The following CSNK2A2IP variants were observed in gnomAD, a reference collection of about 807,000 sequenced individuals.
The protein encoded by CSNK2A2IP is casein kinase 2 subunit alpha' interacting protein.
chr3:88,425,283 T>C, the CSNK2A2IP span, among the ~76,000 whole-genome samples: 1 of 152,128 alleles, frequency 6.6e-6, no homozygotes, highest in African/African-American at 2.4e-5. Flanking sequence ...TAGCTCTCTG[T>C]GACATTTAGT....
chr3:88,444,041 T>G, the CSNK2A2IP span, among the ~76,000 whole-genome samples: 22 of 151,790 alleles, frequency 1.4e-4, no homozygotes, highest in Non-Finnish European at 2.7e-4. Context: ...ACAGATAATA[T>G]TTTTAAAAGA....
chr3:88,362,521 C>A, the CSNK2A2IP span, among the ~76,000 whole-genome samples: 1 of 152,172 alleles, frequency 6.6e-6, no homozygotes, highest in African/African-American at 2.4e-5. Context: ...CATAGATACT[C>A]CTGTAGCCAC....
chr3:88,353,208 G>A, the CSNK2A2IP span, among the ~76,000 whole-genome samples: 4 of 152,220 alleles, frequency 2.6e-5, no homozygotes, highest in African/African-American at 7.2e-5. Context: ...TTCTGGAAAG[G>A]CATTCACTCA....
the CSNK2A2IP span, among the ~76,000 whole-genome samples, chr3:88,453,930 G>C: frequency 6.6e-6 from 1 of 152,064 alleles, no homozygotes; most frequent in South Asian, 2.1e-4. Flanking sequence ...ATGAGCATAT[G>C]CTTTCATTTG....
the CSNK2A2IP span, among the ~76,000 whole-genome samples, chr3:88,441,474 A>C: frequency 6.6e-6 from 1 of 152,150 alleles, no homozygotes; most frequent in Non-Finnish European, 1.5e-5. Flanking sequence ...AAAGGCAATA[A>C]AAAAGTTATA....
chr3:88,463,190 T>C, the CSNK2A2IP span, among the ~76,000 whole-genome samples: 1 of 151,902 alleles, frequency 6.6e-6, no homozygotes. Context: ...AACTTCTCAT[T>C]CTTCCAGGGC....
the CSNK2A2IP span, chr3:88,466,609 C>A: frequency 4.9e-6 from 6 of 1,231,478 alleles, no homozygotes; most frequent in Non-Finnish European, 6.1e-6. Context: ...AAAGTATAGT[C>A]AGCCCTGCAT....
the CSNK2A2IP span, among the ~76,000 whole-genome samples, chr3:88,354,003 G>A: frequency 1.3e-5 from 2 of 152,080 alleles, no homozygotes; most frequent in East Asian, 3.9e-4. Flanking sequence ...GTGAGCCCTT[G>A]CTCTATCAGT....
chr3:88,423,949 CT>C, the CSNK2A2IP span, among the ~76,000 whole-genome samples: 440 of 152,228 alleles, frequency 2.9e-3, 2 homozygotes, highest in Non-Finnish European at 4.4e-3. Context: ...ACCCTTTTGT[CT>C]ACTTATTATA....
At chr3:88,441,439 T>C in the CSNK2A2IP span, among the ~76,000 whole-genome samples, 1 of 152,174 alleles carries the variant, frequency 6.6e-6, no homozygotes, top group Non-Finnish European at 1.5e-5. Flanking sequence ...GGTTATGCCT[T>C]CCTTCAGCTG....
At chr3:88,392,231 C>A in the CSNK2A2IP span, among the ~76,000 whole-genome samples, 1 of 152,098 alleles carries the variant, frequency 6.6e-6, no homozygotes, top group African/African-American at 2.4e-5. Flanking sequence ...ATATTGTTTC[C>A]AACTGGAATT....
the CSNK2A2IP span, among the ~76,000 whole-genome samples, chr3:88,411,003 G>A: frequency 2.0e-5 from 3 of 151,954 alleles, 1 homozygote; most frequent in African/African-American, 7.3e-5. Context: ...TGTTTGTGTT[G>A]TAGTGTGGGA....
chr3:88,344,863 G>A, the CSNK2A2IP span, among the ~76,000 whole-genome samples: 1 of 151,970 alleles, frequency 6.6e-6, no homozygotes, highest in Admixed American at 6.6e-5. Flanking sequence ...AATTAATTGT[G>A]TACTCCATCC....
chr3:88,347,322 A>G, the CSNK2A2IP span, among the ~76,000 whole-genome samples: 1 of 152,024 alleles, frequency 6.6e-6, no homozygotes, highest in South Asian at 2.1e-4. Context: ...TTTTGGAAGA[A>G]GTTCTAATGT....
chr3:88,375,608 G>A, the CSNK2A2IP span, among the ~76,000 whole-genome samples: 1 of 151,478 alleles, frequency 6.6e-6, no homozygotes, highest in Non-Finnish European at 1.5e-5. Flanking sequence ...AAAATAACCT[G>A]GAAATAACTC....
chr3:88,341,914 T>G, the CSNK2A2IP span, among the ~76,000 whole-genome samples: 1 of 151,984 alleles, frequency 6.6e-6, no homozygotes, highest in Admixed American at 6.6e-5. Flanking sequence ...TTTTACTTAG[T>G]GTTTTGTCTC....
At chr3:88,378,701 A>G in the CSNK2A2IP span, among the ~76,000 whole-genome samples, 2 of 152,066 alleles carry the variant, frequency 1.3e-5, no homozygotes, top group African/African-American at 2.4e-5. Flanking sequence ...ATATTATGGT[A>G]GCATACACCT....
At chr3:88,418,463 T>TGCGCGCGCGCGCGCGCGCGC in the CSNK2A2IP span, among the ~76,000 whole-genome samples, 112 of 149,624 alleles carry the variant, frequency 7.5e-4, no homozygotes, top group African/African-American at 2.7e-3. Flanking sequence ...TGTGTGTGTG[T>TGCGCGCGCGCGCGCGCGCGC]GCGCGCGGGC....
the CSNK2A2IP span, among the ~76,000 whole-genome samples, chr3:88,339,831 A>C: frequency 3.2e-4 from 48 of 152,158 alleles, no homozygotes; most frequent in African/African-American, 1.1e-3. Flanking sequence ...GGGGGTGAGA[A>C]CCTATGGTTG....
Sources: allele counts gnomAD v4.1 joint callset (sites outside exome capture counted in the v4.1 genomes callset), GRCh38; gene constraint gnomAD v4.1.1; transcripts MANE v1.5; gene names NCBI Gene and HGNC (gene_info 2026-07-23, HGNC 2026-07-21).